PTPRT: variants seen among roughly 807,000 people sequenced by gnomAD.
The protein encoded by PTPRT is receptor-type tyrosine-protein phosphatase T.
Under a neutral mutation model 176.8 loss-of-function variants are expected in PTPRT, and 56 were observed. That is an observed-to-expected ratio of 0.32 (90% CI 0.26 to 0.40). The LOEUF is 0.40. Ranked by LOEUF, PTPRT falls within the 10% of genes least tolerant of loss-of-function variation. PTPRT has a pLI of 1.00. For missense variants in PTPRT, 1,540 were observed against 1,908.2 expected (o/e 0.81, Z 3.60); for synonymous variants, 783 against 739.0 (o/e 1.06, Z -0.96).
At chr20:42,495,007 T>G (rs1711590766) in intron 7 of PTPRT, among the ~76,000 whole-genome samples, 1 of 152,196 alleles carries the variant, frequency 6.6e-6, no homozygotes, top group South Asian at 2.1e-4. Context: ...AACCTCTCAT[T>G]GGACACTGGG....
chr20:42,545,760 G>A (rs1213392088), intron 7 of PTPRT, among the ~76,000 whole-genome samples: 1 of 152,130 alleles, frequency 6.6e-6, no homozygotes, highest in South Asian at 2.1e-4. Flanking sequence ...AGGTCACATG[G>A]AGCTGGCAAT....
At chr20:42,634,949 T>G (rs1189631628) in intron 7 of PTPRT, among the ~76,000 whole-genome samples, 1 of 152,106 alleles carries the variant, frequency 6.6e-6, no homozygotes, top group African/African-American at 2.4e-5. Context: ...ATTTCTTACT[T>G]ATCTTTGAAT....
At chr20:42,661,982 G>A (rs1325243330) in intron 7 of PTPRT, among the ~76,000 whole-genome samples, 2 of 152,296 alleles carry the variant, frequency 1.3e-5, no homozygotes, top group African/African-American at 4.8e-5. Context: ...TTTGGCTGAG[G>A]CTGCATACCA....
chr20:42,304,767 C>T (rs2057519400), intron 12 of PTPRT, among the ~76,000 whole-genome samples: 1 of 152,122 alleles, frequency 6.6e-6, no homozygotes, highest in Admixed American at 6.6e-5. Flanking sequence ...ATAAGAGGGA[C>T]TAATTGAGTG....
intron 8 of PTPRT, among the ~76,000 whole-genome samples, chr20:42,457,073 A>T (rs1000284328): frequency 1.3e-5 from 2 of 152,208 alleles, no homozygotes; most frequent in African/African-American, 2.4e-5. Flanking sequence ...TTGGTATAAG[A>T]TTATATACAC....
At chr20:42,365,748 G>A (rs2058505577) in intron 9 of PTPRT, among the ~76,000 whole-genome samples, 1 of 152,160 alleles carries the variant, frequency 6.6e-6, no homozygotes, top group African/African-American at 2.4e-5. Context: ...GCCATTTTGG[G>A]TCGCATGTAG....
At chr20:42,106,142 T>C (rs543670291) in intron 24 of PTPRT, among the ~76,000 whole-genome samples, 2 of 152,340 alleles carry the variant, frequency 1.3e-5, no homozygotes, top group South Asian at 4.1e-4. Context: ...AGCTACACCA[T>C]AGCTGGTTTG....
chr20:42,727,743 A>G (rs1389196966), intron 6 of PTPRT, among the ~76,000 whole-genome samples: 1 of 152,184 alleles, frequency 6.6e-6, no homozygotes, highest in Non-Finnish European at 1.5e-5. Flanking sequence ...TGCAGCCTCA[A>G]TGACTGATCT....
In PTPRT at chr20:43,008,171, T is replaced by G. The variant is rs1984946167; in HGVS notation, c.89-122239A>C. Among the ~76,000 whole-genome samples, 3 of 152,150 alleles carry G rather than the reference T, an allele frequency of 2.0e-5. No homozygotes were observed. In the South Asian group the frequency reaches 6.2e-4, roughly 32 times the overall value. On this transcript the variant is annotated intron_variant, in intron 1 of 30. Coordinates refer to ENST00000373187, the MANE Select transcript of PTPRT (RefSeq NM_007050.6). ...ATTCTAACCCCACGAGGTAAGAGTA[T>G]TAGGAGGTGGAGGCCTTTGAGAGAT...
At chr20:42,863,635 T>C (rs1298688452) in intron 2 of PTPRT, among the ~76,000 whole-genome samples, 1 of 152,208 alleles carries the variant, frequency 6.6e-6, no homozygotes, top group African/African-American at 2.4e-5. Context: ...GTAGTGGACA[T>C]GTCAGTGGTC....
intron 28 of PTPRT, 71 bp from the exon 29 acceptor site, chr20:42,084,916 G>C: frequency 7.9e-7 from 1 of 1,269,738 alleles, no homozygotes. Context: ...CAGATACCCC[G>C]GGGACTGCAG....
intron 1 of PTPRT, among the ~76,000 whole-genome samples, chr20:43,085,166 C>G (rs1233969766): frequency 1.3e-5 from 2 of 152,172 alleles, no homozygotes; most frequent in Non-Finnish European, 2.9e-5. Flanking sequence ...CAGGGCCCTT[C>G]CTCAAAGCAG....
At chr20:42,917,730 C>T (rs1397618426) in intron 1 of PTPRT, among the ~76,000 whole-genome samples, 2 of 152,074 alleles carry the variant, frequency 1.3e-5, no homozygotes, top group African/African-American at 4.8e-5. Context: ...GCTACTACTG[C>T]CCCCATTTTA....
chr20:42,810,162 C>T (rs1390370648), intron 2 of PTPRT, among the ~76,000 whole-genome samples: 11 of 152,008 alleles, frequency 7.2e-5, no homozygotes. Flanking sequence ...GGCGTGGCAG[C>T]GTGCACCTGT....
intron 18 of PTPRT, among the ~76,000 whole-genome samples, chr20:42,138,333 G>A (rs536624522): frequency 6.6e-6 from 1 of 152,282 alleles, no homozygotes; most frequent in East Asian, 1.9e-4. Context: ...GCACCCCTTG[G>A]TGGGGTCACC....
intron 6 of PTPRT, among the ~76,000 whole-genome samples, chr20:42,707,829 G>T (rs543584923): frequency 6.6e-6 from 1 of 152,304 alleles, no homozygotes; most frequent in South Asian, 2.1e-4. Context: ...TTTTTATCCA[G>T]TGTCTCCAGA....
chr20:42,662,988 A>G (rs199523727), intron 7 of PTPRT, among the ~76,000 whole-genome samples: 16 of 144,912 alleles, frequency 1.1e-4, no homozygotes, highest in East Asian at 1.0e-3. Flanking sequence ...GTGTGTGTGT[A>G]TGTGTGTGTG....
intron 7 of PTPRT, among the ~76,000 whole-genome samples, chr20:42,572,175 C>T (rs187510789): frequency 5.3e-5 from 8 of 152,254 alleles, no homozygotes; most frequent in African/African-American, 1.9e-4. Flanking sequence ...TTTACATGGG[C>T]ACTAATCCCG....
chr20:42,938,553 A>G (rs1320212073), intron 1 of PTPRT, among the ~76,000 whole-genome samples: 1 of 152,186 alleles, frequency 6.6e-6, no homozygotes, highest in Non-Finnish European at 1.5e-5. Context: ...TTTGGCAAGG[A>G]CAGTTAAGTT....
Sources: gnomAD v4.1 joint callset for allele counts (sites outside exome capture counted in the v4.1 genomes callset) on GRCh38, gnomAD v4.1.1 for gene constraint, MANE v1.5 for transcripts, NCBI Gene and HGNC (gene_info 2026-07-23, HGNC 2026-07-21) for gene names.